KIAA1549: variants seen among roughly 807,000 people sequenced by gnomAD.
KIAA1549 encodes the protein KIAA1549.
In KIAA1549, 70 loss-of-function variants were observed where a neutral mutation model predicts 156.4. The observed-to-expected ratio is 0.45, with a 90% CI of 0.37 to 0.55. The LOEUF (loss-of-function observed/expected upper bound fraction) is 0.55. Ranked by LOEUF, KIAA1549 falls within the 20% of genes least tolerant of loss-of-function variation. The pLI, the probability that KIAA1549 is intolerant of heterozygous loss-of-function variation, is 0.00. For missense variants in KIAA1549, 2,428 were observed against 2,540.9 expected (o/e 0.96, Z 0.96); for synonymous variants, 1,103 against 1,066.4 (o/e 1.03, Z -0.67).
intron 13 of KIAA1549, among the ~76,000 whole-genome samples, chr7:138,870,510 G>C (rs956382540): frequency 6.6e-6 from 1 of 152,204 alleles, no homozygotes; most frequent in Non-Finnish European, 1.5e-5. Flanking sequence ...CAAGTTACCT[G>C]ACATGAGACC....
In KIAA1549 at chr7:138,844,401, C is replaced by G; in HGVS notation, c.5368G>C (p.Ala1790Pro). The G allele has an allele frequency of 1.2e-6, 2 of 1,606,518 alleles. No individual in the cohort carries two copies. The highest frequency in any genetic ancestry group is 1.7e-6 in the Non-Finnish European group (2 of 1,176,030). Reference protein sequence around the residue: ...PPDPQQPQASAEAPFAARGIY... With the variant: ...PPDPQQPQASPEAPFAARGIY... ...CCTCTGGCAGCAAATGGGGCTTCGG[C>G]GGAGGCCTGTGGCTGCTGAGGGTCA... The change falls in exon 18 of 20, where the codon GCC becomes CCC. Residue 1790 changes from alanine to proline, a missense_variant. By Grantham distance (27) the Ala-to-Pro change is conservative. Around this residue, in one of 5 missense-constraint regions of KIAA1549, gnomAD observed 363 missense variants for 354.0 expected, o/e 1.03. Transcript: ENST00000422774.
At chr7:138,881,627 C>A in intron 10 of KIAA1549, 43 bp from the exon 11 acceptor site, 4 of 1,558,798 alleles carry the variant, frequency 2.6e-6, no homozygotes, top group South Asian at 1.2e-5. Context: ...AACCCGGAAT[C>A]CAAGGCTGAT....
chr7:138,945,780 G>A (rs935718700), intron 1 of KIAA1549, among the ~76,000 whole-genome samples: 4 of 151,940 alleles, frequency 2.6e-5, no homozygotes, highest in South Asian at 4.2e-4. Flanking sequence ...TTCTTTTCAC[G>A]GCTCGGCATA....
intron 1 of KIAA1549, among the ~76,000 whole-genome samples, chr7:138,928,727 C>T (rs1812790302): frequency 6.6e-6 from 1 of 152,186 alleles, no homozygotes; most frequent in South Asian, 2.1e-4. Context: ...TTATACCATA[C>T]TGTAGTCTAT....
At chr7:138,853,780 A>G (rs1584704391) in intron 16 of KIAA1549, among the ~76,000 whole-genome samples, 1 of 152,338 alleles carries the variant, frequency 6.6e-6, no homozygotes, top group African/African-American at 2.4e-5. Context: ...CCTTTTCCAA[A>G]TAATTAAAGG....
chr7:138,962,996 C>G (rs866201232), intron 1 of KIAA1549, among the ~76,000 whole-genome samples: 1 of 152,206 alleles, frequency 6.6e-6, no homozygotes, highest in African/African-American at 2.4e-5. Flanking sequence ...TAGTCACTTA[C>G]GTACAGAACA....
rs913080901 is a variant in KIAA1549, at chr7:138,833,850, C to G, written c.*4056G>C. On this transcript the variant is annotated 3_prime_UTR_variant, in exon 20 of 20. Transcript: ENST00000422774. ...CTCTGTAGATCTTCACAGCCCTGGT[C>G]GTTTCCTTGCTGCATGACTGCAAAA... 8.6e-6 allele frequency: 2 copies of G among 232,994 alleles called. No individual in the cohort carries two copies. Among genetic ancestry groups the G allele is most frequent in the African/African-American group, 4.4e-5 (2 of 45,330 alleles). The allele number at this position is 232,994 out of a possible 1,614,324, so 14.4% of individuals were successfully genotyped here.
intron 5 of KIAA1549, 75 bp downstream of exon 5, chr7:138,908,916 A>G (rs1172339539): frequency 3.2e-6 from 5 of 1,559,708 alleles, no homozygotes; most frequent in Non-Finnish European, 4.4e-6. Flanking sequence ...AGAGTTAAGC[A>G]CATCTTAAAC....
intron 1 of KIAA1549, among the ~76,000 whole-genome samples, chr7:138,944,696 C>G (rs1230925987): frequency 6.6e-6 from 1 of 152,044 alleles, no homozygotes; most frequent in Non-Finnish European, 1.5e-5. Flanking sequence ...CCATAAAATG[C>G]AATACTATTC....
chr7:138,887,126 T>G (rs1811415405), intron 10 of KIAA1549, among the ~76,000 whole-genome samples: 1 of 151,930 alleles, frequency 6.6e-6, no homozygotes, highest in Non-Finnish European at 1.5e-5. Context: ...GCCAGGCTGG[T>G]CTCAAACTCC....
intron 1 of KIAA1549, among the ~76,000 whole-genome samples, chr7:138,961,846 G>GAA (rs35074532): frequency 4.3e-5 from 4 of 94,034 alleles, no homozygotes; most frequent in Non-Finnish European, 4.9e-5. Flanking sequence ...TGTCTCTTAA[G>GAA]AAAAAAAAAA....
chr7:138,925,829 CAAAAAAAAAAAAA>C (rs59066216), intron 1 of KIAA1549, among the ~76,000 whole-genome samples: 26 of 44,604 alleles, frequency 5.8e-4, no homozygotes, highest in Admixed American at 2.3e-3. Context: ...GATCCTGTCT[CAAAAAAAAAAAAA>C]AAAAAAAAAA....
chr7:138,934,262 A>C (rs919435765), intron 1 of KIAA1549, among the ~76,000 whole-genome samples: 1 of 152,142 alleles, frequency 6.6e-6, no homozygotes. Context: ...TTGATCCTCC[A>C]CAAGACACAG....
chr7:138,924,956 C>T (rs764579389), intron 1 of KIAA1549, among the ~76,000 whole-genome samples: 3 of 152,162 alleles, frequency 2.0e-5, no homozygotes, highest in Non-Finnish European at 2.9e-5. Flanking sequence ...CGCTGGACCC[C>T]GGACTCCTGC....
In KIAA1549 at chr7:138,903,569, C is replaced by G. The variant is rs761427785; in HGVS notation, c.3669+19G>C. On this transcript the variant is annotated intron_variant, in intron 8 of 19. Coordinates refer to ENST00000422774, the MANE Select transcript of KIAA1549 (RefSeq NM_001164665.2). ...TCTCTCCCTCTCTCTCCTTCCCCTC[C>G]TCCTTTGATGTGGAGTACCTGCACC... is the stretch of plus-strand genomic sequence containing the variant. 1 of 1,610,640 alleles carries G rather than the reference C, an allele frequency of 6.2e-7. No individual in the cohort carries two copies. The highest frequency in any genetic ancestry group is 1.1e-5 in the South Asian group (1 of 90,810).
chr7:138,871,394 C>T (rs775203060), intron 12 of KIAA1549, 32 bp from the exon 13 acceptor site: 8 of 1,480,676 alleles, frequency 5.4e-6, no homozygotes, highest in South Asian at 4.1e-5. Flanking sequence ...AACACATACA[C>T]GAAGTCATCT....
intron 1 of KIAA1549, among the ~76,000 whole-genome samples, chr7:138,927,645 A>T (rs1034799854): frequency 2.0e-5 from 3 of 152,210 alleles, no homozygotes; most frequent in Non-Finnish European, 2.9e-5. Context: ...TTAAAAAAAT[A>T]AAAAAAGAAT....
At chr7:138,840,087 G>A (rs1809864936) in intron 19 of KIAA1549, 46 bp downstream of exon 19, 1 of 1,519,584 alleles carries the variant, frequency 6.6e-7, no homozygotes, top group South Asian at 1.3e-5. Flanking sequence ...ACCGCACCTG[G>A]CCTATGTCTA....
chr7:138,926,815 A>T (rs1271478195), intron 1 of KIAA1549, among the ~76,000 whole-genome samples: 1 of 151,654 alleles, frequency 6.6e-6, no homozygotes, highest in African/African-American at 2.4e-5. Context: ...CTATTTATAA[A>T]TATATATATA....
Sources: allele counts gnomAD v4.1 joint callset (sites outside exome capture counted in the v4.1 genomes callset), GRCh38; gene constraint gnomAD v4.1.1; regional missense constraint gnomAD v4.1.1; transcripts MANE v1.5; gene names NCBI Gene and HGNC (gene_info 2026-07-23, HGNC 2026-07-21).